Variants in GPRIN3 observed in about 807,000 individuals in gnomAD.
GPRIN3 encodes GPRIN family member 3.
GPRIN3 carries 12 observed loss-of-function variants against 13.7 expected under a neutral mutation model. That is an observed-to-expected ratio of 0.87 (90% confidence interval 0.56 to 1.42). The LOEUF (loss-of-function observed/expected upper bound fraction) is 1.42. Among genes scored for constraint, GPRIN3 ranks in the 40% most tolerant of loss-of-function variants. GPRIN3 has a pLI of 0.00. For synonymous variants in GPRIN3, 377 were observed against 372.7 expected (o/e 1.01, Z -0.13); for missense variants, 1,009 against 958.7 (o/e 1.05, Z -0.69).
intron 1 of GPRIN3, among the ~76,000 whole-genome samples, chr4:89,293,934 C>T (rs1024981251): frequency 1.3e-5 from 2 of 152,090 alleles, no homozygotes; most frequent in Non-Finnish European, 2.9e-5. Context: ...TAGTGCATGC[C>T]TTTCTTTTTT....
chr4:89,246,583 TTC>T lies in GPRIN3; in HGVS notation c.*1195_*1196del, dbSNP rs1355532868. 6.6e-6 allele frequency: 1 copy of T among 152,206 alleles called. No homozygotes were observed. Among genetic ancestry groups the T allele is most frequent in the Non-Finnish European group, 1.5e-5 (1 of 68,050 alleles). 9.4% of individuals were successfully genotyped at this position (152,206 alleles called of 1,614,324 possible). On this transcript the variant is annotated 3_prime_UTR_variant, in exon 2 of 2. Transcript: ENST00000609438. The stretch of plus-strand genomic sequence containing the variant: ...TGGGTTTGAAGGATATTATGGGTAT[TTC>T]TCTTAAAATCAATAAGTTTGCAGAA...
chr4:89,306,817 C>G (rs1208022991), intron 1 of GPRIN3, among the ~76,000 whole-genome samples: 2 of 152,160 alleles, frequency 1.3e-5, no homozygotes, highest in African/African-American at 4.8e-5. Flanking sequence ...GGATTCGATG[C>G]CTTCCCATCA....
intron 1 of GPRIN3, among the ~76,000 whole-genome samples, chr4:89,296,692 C>T (rs1295064699): frequency 6.6e-6 from 1 of 152,032 alleles, no homozygotes; most frequent in Non-Finnish European, 1.5e-5. Context: ...TGGGTGTGCA[C>T]ACACATGTGA....
At position 89,266,666 on chromosome 4, in the gene GPRIN3, T is replaced by C. The variant is rs2149268086; in HGVS notation, c.-123-16433A>G. Among the ~76,000 whole-genome samples, 2 of 152,338 alleles carry C rather than the reference T, an allele frequency of 1.3e-5. 1 individual carries two copies. The highest frequency in any genetic ancestry group is 4.1e-4 in the South Asian group (2 of 4,830). On this transcript the variant is annotated intron_variant, in intron 1 of 1. Transcript: ENST00000609438. ...TAACATTCTTATTCTTAATTACAACTGCATCTCCCTATTGTAACAAAATGG... is the reference window on the plus strand; with the variant it reads ...TAACATTCTTATTCTTAATTACAACCGCATCTCCCTATTGTAACAAAATGG...
At chr4:89,258,167 A>G (rs1723529882) in intron 1 of GPRIN3, among the ~76,000 whole-genome samples, 1 of 151,880 alleles carries the variant, frequency 6.6e-6, no homozygotes, top group Non-Finnish European at 1.5e-5. Context: ...ATTTAACATA[A>G]GCTTTATGTG....
chr4:89,271,611 T>G (rs947176705), intron 1 of GPRIN3, among the ~76,000 whole-genome samples: 1 of 152,180 alleles, frequency 6.6e-6, no homozygotes, highest in African/African-American at 2.4e-5. Flanking sequence ...TTTATTGTTT[T>G]CTTGAGGAAT....
At chr4:89,304,691 T>A (rs1265249591) in intron 1 of GPRIN3, among the ~76,000 whole-genome samples, 1 of 152,204 alleles carries the variant, frequency 6.6e-6, no homozygotes, top group African/African-American at 2.4e-5. Flanking sequence ...GTCTGTTTTT[T>A]ACACTATCAT....
rs1302738371 is a variant in GPRIN3, at chr4:89,305,815, T to C, written c.-124+1800A>G. Among the ~76,000 whole-genome samples, 3 of 152,252 alleles carry C rather than the reference T, an allele frequency of 2.0e-5. No homozygotes were observed. The South Asian group carries it at 6.2e-4, about 32-fold the overall frequency. On this transcript the variant is annotated intron_variant, in intron 1 of 1. Transcript: ENST00000609438. ...ACACTCAAATTTCAAAACAGCTTGC[T>C]GGAATCCAGCCTGCCCTCCAATTGA...
At chr4:89,293,629 A>G (rs2110017478) in intron 1 of GPRIN3, among the ~76,000 whole-genome samples, 1 of 152,336 alleles carries the variant, frequency 6.6e-6, no homozygotes, top group South Asian at 2.1e-4. Context: ...TGAGTCAAAT[A>G]CAAGTTCCAG....
intron 1 of GPRIN3, among the ~76,000 whole-genome samples, chr4:89,261,121 A>G (rs1409770865): frequency 2.0e-5 from 3 of 152,172 alleles, no homozygotes; most frequent in Non-Finnish European, 4.4e-5. Context: ...CGTATTTAAT[A>G]TGATCAAGAG....
At chr4:89,277,769 G>A (rs1194131521) in intron 1 of GPRIN3, among the ~76,000 whole-genome samples, 1 of 152,154 alleles carries the variant, frequency 6.6e-6, no homozygotes, top group African/African-American at 2.4e-5. Context: ...TGATGTGGAG[G>A]GATCCAAAGG....
At position 89,244,502 on chromosome 4, in the gene GPRIN3, A is replaced by G. The variant is rs1294766409; in HGVS notation, c.*3278T>C. ...GGTTTCTGGTTAACATTGACTTATC[A>G]GGATGTTCAACTTTTGCCAGTGACC... On this transcript the variant is annotated 3_prime_UTR_variant, in exon 2 of 2. Coordinates refer to ENST00000609438, the MANE Select transcript of GPRIN3 (RefSeq NM_198281.3). 6.6e-6 allele frequency: 1 copy of G among 152,218 alleles called. No homozygotes were observed. Among genetic ancestry groups the G allele is most frequent in the African/African-American group, 2.4e-5 (1 of 41,472 alleles). 9.4% of individuals were successfully genotyped at this position (152,218 alleles called of 1,614,324 possible).
chr4:89,269,224 T>C (rs1026791043), intron 1 of GPRIN3, among the ~76,000 whole-genome samples: 4 of 152,210 alleles, frequency 2.6e-5, no homozygotes. Context: ...TTCTCATTCT[T>C]CCTGTTAGAA....
At position 89,241,206 on chromosome 4, in the gene GPRIN3, T is replaced by TTA. The variant is rs1553947828; in HGVS notation, c.*6573_*6574insTA. ...TTATGTTACCTACTCAAGGAGATGA[T>TTA]AAAAAAAAAACACAAATCAAACAGC... On this transcript the variant is annotated 3_prime_UTR_variant, in exon 2 of 2. Coordinates refer to ENST00000609438, the MANE Select transcript of GPRIN3 (RefSeq NM_198281.3). 6 of 148,298 alleles carry TTA rather than the reference T, an allele frequency of 4.0e-5. No homozygotes were observed. In the East Asian group the frequency reaches 9.8e-4, roughly 24 times the overall value. 9.2% of individuals were successfully genotyped at this position (148,298 alleles called of 1,614,324 possible). A position where few individuals can be genotyped will look rare whatever the true frequency, so the allele number is the denominator to read the frequency against.
intron 1 of GPRIN3, among the ~76,000 whole-genome samples, chr4:89,255,742 T>C (rs1018635457): frequency 6.6e-6 from 1 of 152,186 alleles, no homozygotes; most frequent in Non-Finnish European, 1.5e-5. Context: ...AGGTTCTTGC[T>C]AAAACTGGAC....
In GPRIN3 at chr4:89,244,567, G is replaced by T. The variant is rs1277645941; in HGVS notation, c.*3213C>A. 6.6e-6 allele frequency: 1 copy of T among 152,168 alleles called. No individual in the cohort carries two copies. The highest frequency in any genetic ancestry group is 2.4e-5 in the African/African-American group (1 of 41,456). The allele number at this position is 152,168 out of a possible 1,614,324, so 9.4% of individuals were successfully genotyped here. A position where few individuals can be genotyped will look rare whatever the true frequency, so the allele number is the denominator to read the frequency against. The stretch of plus-strand genomic sequence containing the variant: ...TAATCAATATTTTACTCTATGTAAA[G>T]TAGTTGGTCTGTGGCATTCAAAGTC... On this transcript the variant is annotated 3_prime_UTR_variant, in exon 2 of 2. Coordinates refer to ENST00000609438, the MANE Select transcript of GPRIN3 (RefSeq NM_198281.3).
intron 1 of GPRIN3, among the ~76,000 whole-genome samples, chr4:89,263,993 A>T (rs989463748): frequency 6.6e-6 from 1 of 152,246 alleles, no homozygotes; most frequent in Non-Finnish European, 1.5e-5. Flanking sequence ...TTTTCTGATA[A>T]CACCAAACAG....
intron 1 of GPRIN3, among the ~76,000 whole-genome samples, chr4:89,261,273 C>T (rs55841158): frequency 0.043 from 6,591 of 152,268 alleles, 168 homozygotes; most frequent in Middle Eastern, 0.078. Flanking sequence ...CTGGCCTCCG[C>T]TCCCCAGATC....
chr4:89,300,480 T>TA (rs1201645855), intron 1 of GPRIN3, among the ~76,000 whole-genome samples: 1 of 152,030 alleles, frequency 6.6e-6, no homozygotes, highest in Non-Finnish European at 1.5e-5. Context: ...CTGGCTTAAT[T>TA]AAAAAATAAA....
Sources: allele counts gnomAD v4.1 joint callset (sites outside exome capture counted in the v4.1 genomes callset), GRCh38; gene constraint gnomAD v4.1.1; transcripts MANE v1.5; gene names NCBI Gene and HGNC (gene_info 2026-07-23, HGNC 2026-07-21).